The following RAB31 variants were observed in gnomAD, a reference collection of about 807,000 sequenced individuals.
RAB31 encodes the protein RAB31, member RAS oncogene family.
In RAB31, 21 loss-of-function variants were observed where a neutral mutation model predicts 25.6. The observed-to-expected ratio is 0.82, with a 90% CI of 0.58 to 1.18. The LOEUF (loss-of-function observed/expected upper bound fraction) is 1.18, where lower values mean the gene tolerates loss of function less well. RAB31 is among the 50% of genes most tolerant of loss of function. The probability of loss-of-function intolerance (pLI) is 0.00; values close to 1 mark genes in which losing one functional copy is unlikely to be tolerated. For synonymous variants in RAB31, 87 were observed against 84.0 expected (o/e 1.04, Z -0.20); for missense variants, 196 against 250.1 (o/e 0.78, Z 1.46).
chr18:9,760,162 C>CTTTTTTTT (rs199586081), intron 1 of RAB31, among the ~76,000 whole-genome samples: 11 of 58,500 alleles, frequency 1.9e-4, no homozygotes, highest in Non-Finnish European at 2.5e-4. Flanking sequence ...TCTTTCTTTT[C>CTTTTTTTT]TTTTTGTTTT....
intron 3 of RAB31, chr18:9,797,306 G>A (rs2143040243): frequency 6.6e-6 from 1 of 152,310 alleles, no homozygotes; most frequent in East Asian, 1.9e-4. Context: ...TGCTTTTGCA[G>A]CTGCCTTTAA....
At chr18:9,808,019 G>A (rs1261568030) in intron 3 of RAB31, among the ~76,000 whole-genome samples, 1 of 152,074 alleles carries the variant, frequency 6.6e-6, no homozygotes, top group African/African-American at 2.4e-5. Flanking sequence ...TCCCAACATC[G>A]TTTTTGTGGA....
In RAB31 at chr18:9,718,095, C is replaced by A. The variant is rs535682293; in HGVS notation, c.39+9651C>A. ...GTTTCTTTTGTAGAGATGGGGCTTG[C>A]CACGTTGCCCAGGCTGGTCTTGAAC... On this transcript the variant is annotated intron_variant, in intron 1 of 6. Transcript: ENST00000578921. 9.3e-4 allele frequency among the ~76,000 whole-genome samples: 142 copies of A among 152,014 alleles called. 2 individuals carry two copies. The South Asian group carries it at 0.028, about 30-fold the overall frequency.
At chr18:9,725,504 T>C (rs1016280147) in intron 1 of RAB31, among the ~76,000 whole-genome samples, 1 of 152,348 alleles carries the variant, frequency 6.6e-6, no homozygotes, top group African/African-American at 2.4e-5. Flanking sequence ...GAACTAGCTT[T>C]GTATGATTCT....
chr18:9,831,788 T>C (rs2068679871), intron 5 of RAB31, among the ~76,000 whole-genome samples: 2 of 152,216 alleles, frequency 1.3e-5, no homozygotes, highest in Non-Finnish European at 2.9e-5. Context: ...AGGGACACAG[T>C]TTTCTCGAAC....
At chr18:9,710,281 A>G (rs1049975454) in intron 1 of RAB31, among the ~76,000 whole-genome samples, 10 of 152,320 alleles carry the variant, frequency 6.6e-5, no homozygotes, top group South Asian at 4.1e-4. Context: ...TTCCCCCTTT[A>G]GGCAGAGGAC....
intron 2 of RAB31, among the ~76,000 whole-genome samples, chr18:9,776,636 G>T (rs1358652150): frequency 6.6e-6 from 1 of 152,160 alleles, no homozygotes. Context: ...CAGTTTCAGG[G>T]ATGCTGGCAG....
intron 1 of RAB31, among the ~76,000 whole-genome samples, chr18:9,757,127 G>A (rs1285694485): frequency 6.6e-6 from 1 of 152,206 alleles, no homozygotes; most frequent in African/African-American, 2.4e-5. Context: ...TATGGGAAAA[G>A]GAATTTATTA....
At chr18:9,815,018 AT>A in intron 4 of RAB31, 97 bp from the exon 5 acceptor site, 1 of 860,352 alleles carries the variant, frequency 1.2e-6, no homozygotes, top group Admixed American at 2.7e-5. Context: ...TCCTAAAAAT[AT>A]TTTTCTCCAT....
At chr18:9,819,391 T>C (rs2068614496) in intron 5 of RAB31, among the ~76,000 whole-genome samples, 1 of 152,144 alleles carries the variant, frequency 6.6e-6, no homozygotes, top group Admixed American at 6.5e-5. Flanking sequence ...AAATGTGGTC[T>C]TATTTTTGTG....
intron 1 of RAB31, 98 bp from the exon 2 acceptor site, chr18:9,775,180 G>A: frequency 1.9e-6 from 3 of 1,574,060 alleles, no homozygotes; most frequent in Non-Finnish European, 2.6e-6. Flanking sequence ...ACCAGAAATA[G>A]CCAGTCGTGT....
chr18:9,829,423 G>A (rs572531108), intron 5 of RAB31, among the ~76,000 whole-genome samples: 20 of 152,334 alleles, frequency 1.3e-4, no homozygotes, highest in East Asian at 3.9e-4. Flanking sequence ...CTACTGTTCC[G>A]TTTTATGAGT....
At chr18:9,741,722 C>T (rs890840039) in intron 1 of RAB31, among the ~76,000 whole-genome samples, 6 of 152,350 alleles carry the variant, frequency 3.9e-5, no homozygotes, top group Admixed American at 2.6e-4. Flanking sequence ...GCTAGGCTGT[C>T]CTGCTGCTCC....
intron 2 of RAB31, among the ~76,000 whole-genome samples, chr18:9,781,110 C>G (rs1363894393): frequency 1.3e-5 from 2 of 151,942 alleles, no homozygotes; most frequent in African/African-American, 4.8e-5. Context: ...TGGATATTAC[C>G]AAATTGTTTT....
intron 1 of RAB31, among the ~76,000 whole-genome samples, chr18:9,731,595 G>A (rs1051407020): frequency 1.2e-5 from 1 of 81,736 alleles, no homozygotes; most frequent in African/African-American, 6.5e-5. Context: ...CTGGGAATTT[G>A]CTTTTTTTTT....
At chr18:9,793,058 T>C (rs1285604822) in intron 3 of RAB31, among the ~76,000 whole-genome samples, 1 of 152,232 alleles carries the variant, frequency 6.6e-6, no homozygotes, top group Non-Finnish European at 1.5e-5. Flanking sequence ...TATTGCTGGA[T>C]ACTTGCATAA....
In RAB31 at chr18:9,766,663, T is replaced by C. The variant is rs1000387629; in HGVS notation, c.40-8615T>C. Among the ~76,000 whole-genome samples the C allele has an allele frequency of 3.3e-5, 5 of 152,182 alleles. No homozygotes were observed. Among genetic ancestry groups the C allele is most frequent in the Non-Finnish European group, 5.9e-5 (4 of 68,030 alleles). Reference sequence around the variant, plus strand: ...AATGCTGAAGATGCTGAAGACGTTTTAGAAGCATGTGGCTGGGCGCATGGC... The same window carrying C: ...AATGCTGAAGATGCTGAAGACGTTTCAGAAGCATGTGGCTGGGCGCATGGC... On this transcript the variant is annotated intron_variant, in intron 1 of 6. Transcript: ENST00000578921. The surrounding 1 kb of genome is among the most constrained non-coding windows in gnomAD (Gnocchi z 4.3).
chr18:9,718,514 C>T (rs1042293789), intron 1 of RAB31, among the ~76,000 whole-genome samples: 1 of 152,210 alleles, frequency 6.6e-6, no homozygotes, highest in Non-Finnish European at 1.5e-5. Context: ...CTGCCTCGGC[C>T]TCCCAAAGTG....
chr18:9,855,452 T>C (rs139164292), intron 6 of RAB31, among the ~76,000 whole-genome samples: 29 of 152,330 alleles, frequency 1.9e-4, no homozygotes, highest in Non-Finnish European at 3.7e-4. Context: ...ATTTTTGTCC[T>C]GCTCTATGCC....
Sources: allele counts gnomAD v4.1 joint callset (sites outside exome capture counted in the v4.1 genomes callset), GRCh38; gene constraint gnomAD v4.1.1; non-coding constraint Gnocchi (gnomAD v3.1); transcripts MANE v1.5; gene names NCBI Gene and HGNC (gene_info 2026-07-23, HGNC 2026-07-21).